NOX4: variants seen among roughly 807,000 people sequenced by gnomAD.
NOX4 encodes the protein kidney oxidase-1.
Under a neutral mutation model 87.6 loss-of-function variants are expected in NOX4, and 69 were observed. That is an observed-to-expected ratio of 0.79 (90% CI 0.65 to 0.96). The LOEUF (loss-of-function observed/expected upper bound fraction) is 0.96. NOX4 is among the 40% of genes least tolerant of loss of function. The pLI is 0.00. For synonymous variants in NOX4, 275 were observed against 238.2 expected (o/e 1.15, Z -1.42); for missense variants, 680 against 681.5 (o/e 1.00, Z 0.02).
chr11:89,520,065 G>A, the NOX4 span, among the ~76,000 whole-genome samples: 2 of 151,946 alleles, frequency 1.3e-5, no homozygotes, highest in African/African-American at 4.8e-5. Flanking sequence ...GAATGAGTTT[G>A]TACCATTATG....
At chr11:89,416,745 G>A (rs557860987) in intron 8 of NOX4, among the ~76,000 whole-genome samples, 1 of 152,096 alleles carries the variant, frequency 6.6e-6, no homozygotes, top group African/African-American at 2.4e-5. Flanking sequence ...AAGAATAAAT[G>A]TTTTTAAAAA....
chr11:89,461,562 A>G (rs933076098), intron 2 of NOX4, among the ~76,000 whole-genome samples: 22 of 151,724 alleles, frequency 1.5e-4, no homozygotes, highest in African/African-American at 4.6e-4. Flanking sequence ...AGACAATGGC[A>G]TGAACCCGGA....
chr11:89,548,657 GTCTA>G, the NOX4 span: 14 of 152,132 alleles, frequency 9.2e-5, no homozygotes, highest in African/African-American at 2.9e-4. Context: ...TTGACTTCCT[GTCTA>G]TCTATTTGTC....
At chr11:89,512,876 A>G in the NOX4 span, among the ~76,000 whole-genome samples, 1 of 152,098 alleles carries the variant, frequency 6.6e-6, no homozygotes, top group Non-Finnish European at 1.5e-5. Flanking sequence ...AGAACTTCAG[A>G]GTAGGATTCT....
intron 16 of NOX4, among the ~76,000 whole-genome samples, 167 bp downstream of exon 16, chr11:89,337,280 G>A (rs1406185816): frequency 6.6e-6 from 1 of 151,988 alleles, no homozygotes; most frequent in African/African-American, 2.4e-5. Flanking sequence ...GCATAATGTG[G>A]TTGACTTCAA....
chr11:89,581,781 C>T, the NOX4 span, among the ~76,000 whole-genome samples: 35 of 152,200 alleles, frequency 2.3e-4, no homozygotes, highest in African/African-American at 7.9e-4. Context: ...GGTAACTATA[C>T]ACCCATAAAA....
chr11:89,552,860 T>C, the NOX4 span, among the ~76,000 whole-genome samples: 1 of 152,172 alleles, frequency 6.6e-6, no homozygotes, highest in Non-Finnish European at 1.5e-5. Context: ...AGCGGAATTC[T>C]CAAGACTCAC....
chr11:89,544,890 A>G, the NOX4 span, among the ~76,000 whole-genome samples: 6 of 152,148 alleles, frequency 3.9e-5, no homozygotes, highest in African/African-American at 1.4e-4. Context: ...GAAAATATAT[A>G]TCCTATGACC....
At chr11:89,411,833 G>T (rs1405432718) in intron 8 of NOX4, among the ~76,000 whole-genome samples, 1 of 152,108 alleles carries the variant, frequency 6.6e-6, no homozygotes, top group Non-Finnish European at 1.5e-5. Flanking sequence ...CAATAACATA[G>T]AATGTCAATG....
At chr11:89,562,449 C>T in the NOX4 span, among the ~76,000 whole-genome samples, 1 of 152,226 alleles carries the variant, frequency 6.6e-6, no homozygotes, top group African/African-American at 2.4e-5. Flanking sequence ...CAATCTATCC[C>T]ACCCACTGAT....
At chr11:89,385,327 C>G (rs1161094494) in intron 11 of NOX4, among the ~76,000 whole-genome samples, 1 of 152,146 alleles carries the variant, frequency 6.6e-6, no homozygotes, top group Admixed American at 6.5e-5. Context: ...GGCATCAGAT[C>G]CCATCCCTCA....
intron 4 of NOX4, 23 bp from the exon 5 acceptor site, chr11:89,444,255 A>G: frequency 6.3e-7 from 1 of 1,597,450 alleles, no homozygotes; most frequent in South Asian, 1.1e-5. Flanking sequence ...ACCAGGGGTA[A>G]GTTAGTGGGA....
chr11:89,552,328 G>C, the NOX4 span, among the ~76,000 whole-genome samples: 1 of 152,240 alleles, frequency 6.6e-6, no homozygotes, highest in African/African-American at 2.4e-5. Context: ...TTTATCTGCT[G>C]TACTATCTTG....
intron 11 of NOX4, among the ~76,000 whole-genome samples, chr11:89,396,481 C>G (rs1169447134): frequency 6.6e-6 from 1 of 151,798 alleles, no homozygotes; most frequent in Non-Finnish European, 1.5e-5. Context: ...CTTTTCCTAA[C>G]TGAATACCCT....
intron 13 of NOX4, among the ~76,000 whole-genome samples, chr11:89,342,553 A>G (rs1946050989): frequency 6.6e-6 from 1 of 152,162 alleles, no homozygotes; most frequent in Non-Finnish European, 1.5e-5. Flanking sequence ...AATTAAAGTA[A>G]CAATTGCTTT....
intron 11 of NOX4, among the ~76,000 whole-genome samples, chr11:89,373,731 C>T (rs567163857): frequency 5.9e-5 from 9 of 152,090 alleles, no homozygotes; most frequent in African/African-American, 1.9e-4. Flanking sequence ...ATAAATTACA[C>T]ACGTTAAAAT....
chr11:89,374,853 G>A (rs1166042310), intron 11 of NOX4, among the ~76,000 whole-genome samples: 2 of 152,260 alleles, frequency 1.3e-5, no homozygotes, highest in African/African-American at 2.4e-5. Context: ...TGTGATTAGC[G>A]ATTGGGTTAC....
chr11:89,423,396 A>G (rs920282717), intron 7 of NOX4, among the ~76,000 whole-genome samples: 1 of 152,072 alleles, frequency 6.6e-6, no homozygotes, highest in African/African-American at 2.4e-5. Flanking sequence ...TTTAATTCAT[A>G]TGTGTAATTT....
At chr11:89,541,082 T>A in the NOX4 span, among the ~76,000 whole-genome samples, 1 of 152,196 alleles carries the variant, frequency 6.6e-6, no homozygotes, top group East Asian at 1.9e-4. Flanking sequence ...GAAACTTTTG[T>A]TGACTGGAAA....
Sources: gnomAD v4.1 joint callset for allele counts (sites outside exome capture counted in the v4.1 genomes callset) on GRCh38, gnomAD v4.1.1 for gene constraint, MANE v1.5 for transcripts, NCBI Gene and HGNC (gene_info 2026-07-23, HGNC 2026-07-21) for gene names.